IGF2R: variants seen among roughly 807,000 people sequenced by gnomAD.
IGF2R encodes insulin like growth factor 2 receptor.
IGF2R carries 91 observed loss-of-function variants against 270.6 expected under a neutral mutation model. The observed-to-expected ratio is 0.34, with a 90% confidence interval of 0.28 to 0.40. The LOEUF (loss-of-function observed/expected upper bound fraction) is 0.40, where lower values mean the gene tolerates loss of function less well. Among genes scored for constraint, IGF2R ranks in the 10% least tolerant of loss-of-function variants. The pLI is 1.00. For missense variants in IGF2R, 2,805 were observed against 3,188.3 expected, an observed-to-expected ratio of 0.88 and a Z score of 2.90; for synonymous variants, 1,316 against 1,258.9, an observed-to-expected ratio of 1.05 and a Z score of -0.96.
chr6:160,043,229 G>C lies in IGF2R; in HGVS notation c.1562G>C (p.Arg521Thr). 6.2e-7 allele frequency: 1 copy of C among 1,614,216 alleles called. No individual in the cohort carries two copies. Among genetic ancestry groups the C allele is most frequent in the Non-Finnish European group, 8.5e-7 (1 of 1,180,028 alleles). ...KKHFFINICH[R>T]VLQEGKARGC... ...CATTTTTTCATTAATATTTGTCACA[G>C]AGTGCTGCAGGAAGGCAAGGCACGA... The change falls in exon 12 of 48, where the codon AGA (arginine) becomes ACA (threonine). Residue 521 changes from arginine (R) to threonine (T), a missense_variant. Coordinates refer to ENST00000356956, the MANE Select transcript of IGF2R (RefSeq NM_000876.4).
Position 160,107,043 on chromosome 6 carries a change from TC to T in IGF2R, c.*1961del, listed in dbSNP as rs943806543. ...ATCCTATTCTCCATCCCTTTTTTTT[TC>T]CTGTAGAGTCCAAAAACCTCAACCG... On this transcript the variant is annotated 3_prime_UTR_variant, in exon 48 of 48. Coordinates refer to ENST00000356956, the MANE Select transcript of IGF2R (RefSeq NM_000876.4). 1.3e-5 allele frequency: 2 copies of T among 152,218 alleles called. No individual in the cohort carries two copies. The highest frequency in any genetic ancestry group is 4.8e-5 in the African/African-American group (2 of 41,452). 9.4% of individuals were successfully genotyped at this position (152,218 alleles called of 1,614,324 possible).
At position 160,004,783 on chromosome 6, in the gene IGF2R, C is replaced by T; in HGVS notation, c.290-4227C>T. On this transcript the variant is annotated intron_variant, in intron 2 of 47. Coordinates refer to ENST00000356956, the MANE Select transcript of IGF2R (RefSeq NM_000876.4). The surrounding 1 kb of genome is among the most constrained non-coding windows in gnomAD (Gnocchi z 5.2). The stretch of plus-strand genomic sequence containing the variant: ...TGTGTGAGCATGGCCTAGAGTGTCA[C>T]CAAACCAAAGTGGACCCGCCTGCCT... 6.6e-6 allele frequency: 1 copy of T among 152,554 alleles called. No individual in the cohort carries two copies. The highest frequency in any genetic ancestry group is 1.5e-5 in the Non-Finnish European group (1 of 68,314). 9.5% of individuals were successfully genotyped at this position (152,554 alleles called of 1,614,324 possible). A position where few individuals can be genotyped will look rare whatever the true frequency, so the allele number is the denominator to read the frequency against.
Position 160,068,300 on chromosome 6 carries a change from C to T in IGF2R, c.4167C>T (p.Asp1389=), listed in dbSNP as rs1426925699. 2.5e-6 allele frequency: 4 copies of T among 1,614,224 alleles called. No individual in the cohort carries two copies. Among genetic ancestry groups the T allele is most frequent in the African/African-American group, 1.3e-5 (1 of 75,068 alleles). The change falls in exon 30 of 48, where the codon GAC becomes GAT. Residue 1389 remains aspartate (D), a synonymous_variant. Coordinates refer to ENST00000356956, the MANE Select transcript of IGF2R (RefSeq NM_000876.4). ...FDLSSLSRYS[D]NWEAITGTGD... ...TCTCGTCCCTGTCAAGGTACAGTGACAACTGGGAAGCCATCACTGGGACGG... is the reference window on the plus strand; with the variant it reads ...TCTCGTCCCTGTCAAGGTACAGTGATAACTGGGAAGCCATCACTGGGACGG...
rs1291883277 is a variant in IGF2R, at chr6:160,058,143, A to G, written c.2898+19A>G. ...TTTTATGGTAAGAGCGATATGATGC[A>G]TTTCCAGTTTGCTTTGAAACAGGGG... On this transcript the variant is annotated intron_variant, in intron 21 of 47. Transcript: ENST00000356956. 3.3e-6 allele frequency: 5 copies of G among 1,526,138 alleles called. No individual in the cohort carries two copies. The highest frequency in any genetic ancestry group is 1.4e-5 in the African/African-American group (1 of 73,112). 94.5% of individuals were successfully genotyped at this position (1,526,138 alleles called of 1,614,324 possible).
chr6:160,055,970 C>G (rs899516597), intron 19 of IGF2R, among the ~76,000 whole-genome samples: 2 of 152,148 alleles, frequency 1.3e-5, no homozygotes, highest in African/African-American at 4.8e-5. Flanking sequence ...CATGCTTCCC[C>G]CTAGGAGCCC....
At chr6:160,046,262 C>T (rs374395206) in intron 14 of IGF2R, among the ~76,000 whole-genome samples, 15 of 152,130 alleles carry the variant, frequency 9.9e-5, no homozygotes, top group East Asian at 1.9e-4. Context: ...CTTTGAATAG[C>T]GCTTTAGGCT....
rs974069618 is a variant in IGF2R at position 160,050,948 on chromosome 6, C to T, written c.2694+296C>T. Among the ~76,000 whole-genome samples the T allele has an allele frequency of 1.1e-4, 16 of 152,068 alleles. 1 individual carries two copies. Among genetic ancestry groups the T allele is most frequent in the African/African-American group, 3.9e-4 (16 of 41,410 alleles). Reference sequence around the variant, plus strand: ...GAGTCGTACAGACATTATCTTGCCTCTTAGTTCTTGTGAGTTGAGGATCGT... The same window carrying T: ...GAGTCGTACAGACATTATCTTGCCTTTTAGTTCTTGTGAGTTGAGGATCGT... On this transcript the variant is annotated intron_variant, in intron 19 of 47. Transcript: ENST00000356956. This position sits in a 1 kb window ranked among gnomAD's most constrained non-coding sequence, Gnocchi z 4.0.
chr6:160,041,013 T>A (rs761562080), intron 11 of IGF2R, among the ~76,000 whole-genome samples: 1 of 152,196 alleles, frequency 6.6e-6, no homozygotes, highest in Non-Finnish European at 1.5e-5. Context: ...GGGGTTCTTC[T>A]GTTTGGATCC....
rs148327536 is a variant in IGF2R at position 160,024,563 on chromosome 6, C to T, written c.514-9C>T. 3.1e-6 allele frequency: 5 copies of T among 1,612,072 alleles called. No individual in the cohort carries two copies. Among genetic ancestry groups the T allele is most frequent in the Non-Finnish European group, 4.2e-6 (5 of 1,179,416 alleles). ...ACTGAAGACTCACTTTTTTCTTCCT[C>T]CCTTCCAGGTGCCATGCTATGTGTT... On this transcript the variant is annotated splice_polypyrimidine_tract_variant and intron_variant, in intron 4 of 47. Coordinates refer to ENST00000356956, the MANE Select transcript of IGF2R (RefSeq NM_000876.4).
chr6:160,007,213 C>T (rs1165221109), intron 2 of IGF2R: 1 of 152,154 alleles, frequency 6.6e-6, no homozygotes, highest in Non-Finnish European at 1.5e-5. Flanking sequence ...GTGCATGTTC[C>T]ATATGTGCAT....
chr6:160,026,536 G>C (rs1436533721), intron 5 of IGF2R, among the ~76,000 whole-genome samples: 3 of 152,190 alleles, frequency 2.0e-5, no homozygotes, highest in Non-Finnish European at 4.4e-5. Context: ...AAGATAGATA[G>C]TAAACAAATA....
At chr6:160,079,523 C>A in intron 37 of IGF2R, 57 bp from the exon 38 acceptor site, 1 of 1,256,808 alleles carries the variant, frequency 8.0e-7, no homozygotes, top group Non-Finnish European at 1.0e-6. Context: ...GTTCTCTCTT[C>A]ACTTTGAGAC....
At chr6:160,008,480 C>T (rs1005250967) in intron 2 of IGF2R, among the ~76,000 whole-genome samples, 11 of 152,126 alleles carry the variant, frequency 7.2e-5, no homozygotes, top group African/African-American at 2.4e-4. Flanking sequence ...TGGACTGTTA[C>T]AGTAATGTCC....
At chr6:160,040,511 C>A (rs934817969) in intron 10 of IGF2R, 49 bp from the exon 11 acceptor site, 1 of 1,540,776 alleles carries the variant, frequency 6.5e-7, no homozygotes, top group Non-Finnish European at 9.0e-7. Context: ...AGCTGTTCCT[C>A]AATTTTGGTC....
chr6:159,992,438 T>G (rs1783992917), intron 2 of IGF2R, among the ~76,000 whole-genome samples: 1 of 152,194 alleles, frequency 6.6e-6, no homozygotes, highest in Non-Finnish European at 1.5e-5. Flanking sequence ...TATTATTTAG[T>G]TTCTACTTAT....
At chr6:160,009,622 A>T (rs915530318) in intron 3 of IGF2R, among the ~76,000 whole-genome samples, 1 of 152,196 alleles carries the variant, frequency 6.6e-6, no homozygotes. Context: ...TAAAGGGGAC[A>T]TAATTGTGTA....
In IGF2R at chr6:160,025,051, G is replaced by C. The variant is rs8191747; in HGVS notation, c.646+347G>C. On this transcript the variant is annotated intron_variant, in intron 5 of 47. Coordinates refer to ENST00000356956, the MANE Select transcript of IGF2R (RefSeq NM_000876.4). ...CCCTTGGCTCTGAGTTACGGGCTGG[G>C]TGAAAAAGAAAAAGGGATGATCAAG... 2.4e-3 allele frequency among the ~76,000 whole-genome samples: 358 copies of C among 152,158 alleles called. 11 individuals carry two copies. The East Asian group carries it at 0.041, about 17-fold the overall frequency.
At position 160,012,765 on chromosome 6, in the gene IGF2R, T is replaced by TATATATATATATATATA. The variant is rs1562343074; in HGVS notation, c.513+1980_513+1981insATATATATATATATATA. Among the ~76,000 whole-genome samples the TATATATATATATATATA allele has an allele frequency of 3.3e-3, 248 of 76,270 alleles. 12 individuals carry two copies. The highest frequency in any genetic ancestry group is 0.013 in the East Asian group (22 of 1,668). 50.0% of individuals were successfully genotyped at this position (76,270 alleles called of 152,430 possible). A position where few individuals can be genotyped will look rare whatever the true frequency, so the allele number is the denominator to read the frequency against. On this transcript the variant is annotated intron_variant, in intron 4 of 47. Coordinates refer to ENST00000356956, the MANE Select transcript of IGF2R (RefSeq NM_000876.4). ...CTAATTTATATATATATATATATAT[T>TATATATATATATATATA]TTTTTTTTTTTTTGTTTGTTTGTTT...
In IGF2R at chr6:160,030,415, C is replaced by A. The variant is rs376348268; in HGVS notation, c.882+760C>A. On this transcript the variant is annotated intron_variant, in intron 7 of 47. Transcript: ENST00000356956. ...CAAGCAAATGTGGAATTTGCTCTGA[C>A]GTCAGGCTGGCAGCTGGCCTGGTGT... is the stretch of plus-strand genomic sequence containing the variant. Among the ~76,000 whole-genome samples, 42 of 152,324 alleles carry A rather than the reference C, an allele frequency of 2.8e-4. 2 individuals carry two copies. Among genetic ancestry groups the A allele is most frequent in the African/African-American group, 9.9e-4 (41 of 41,562 alleles).
Sources: gnomAD v4.1 joint callset for allele counts (sites outside exome capture counted in the v4.1 genomes callset) on GRCh38, gnomAD v4.1.1 for gene constraint, Gnocchi (gnomAD v3.1) non-coding constraint, MANE v1.5 for transcripts, NCBI Gene and HGNC (gene_info 2026-07-23, HGNC 2026-07-21) for gene names.